CALD1: variants seen among roughly 807,000 people sequenced by gnomAD.
CALD1 encodes the protein caldesmon.
A neutral mutation model predicts 99.9 loss-of-function variants in CALD1; 33 were observed. That is an observed-to-expected ratio of 0.33 (90% CI 0.25 to 0.44). CALD1 has a LOEUF of 0.44. CALD1 is among the 20% of genes least tolerant of loss of function. The pLI is 1.00. For synonymous variants in CALD1, 310 were observed against 325.0 expected, an observed-to-expected ratio of 0.95 and a Z score of 0.50; for missense variants, 861 against 962.1, an observed-to-expected ratio of 0.89 and a Z score of 1.39.
At chr7:134,744,660 A>G (rs1198794169) in intron 1 of CALD1, among the ~76,000 whole-genome samples, 1 of 152,160 alleles carries the variant, frequency 6.6e-6, no homozygotes, top group East Asian at 1.9e-4. Context: ...CTAGAGCAAT[A>G]TTCTTCACCA....
chr7:134,885,907 C>A (rs1302914390), intron 3 of CALD1, among the ~76,000 whole-genome samples: 1 of 151,666 alleles, frequency 6.6e-6, no homozygotes, highest in Non-Finnish European at 1.5e-5. Flanking sequence ...AGCCACCATT[C>A]ATTCAAGAAA....
chr7:134,899,206 T>A (rs1206721895), intron 3 of CALD1, among the ~76,000 whole-genome samples: 1 of 151,526 alleles, frequency 6.6e-6, no homozygotes, highest in Non-Finnish European at 1.5e-5. Context: ...TCTTTCTTTT[T>A]CTTTTTTTTT....
chr7:134,719,601 G>C, the CALD1 span, among the ~76,000 whole-genome samples: 2 of 152,212 alleles, frequency 1.3e-5, no homozygotes, highest in African/African-American at 4.8e-5. Context: ...AGTTTGCGAG[G>C]GGGGATAGGA....
At chr7:134,877,011 GC>G (rs1476069390) in intron 3 of CALD1, among the ~76,000 whole-genome samples, 1 of 152,138 alleles carries the variant, frequency 6.6e-6, no homozygotes, top group African/African-American at 2.4e-5. Flanking sequence ...GCCTCTCTCA[GC>G]CCATTTCATC....
intron 9 of CALD1, among the ~76,000 whole-genome samples, chr7:134,951,180 AG>A (rs1282296507): frequency 1.3e-5 from 2 of 152,214 alleles, no homozygotes; most frequent in Non-Finnish European, 2.9e-5. Context: ...TACCACCCAA[AG>A]GTCTCACCTC....
intron 1 of CALD1, among the ~76,000 whole-genome samples, chr7:134,820,506 A>G (rs1158019478): frequency 6.6e-6 from 1 of 152,246 alleles, no homozygotes; most frequent in African/African-American, 2.4e-5. Context: ...AGACAGCATT[A>G]TAAGATATAC....
chr7:134,940,244 C>T (rs1368438560), intron 6 of CALD1, among the ~76,000 whole-genome samples: 2 of 152,122 alleles, frequency 1.3e-5, no homozygotes, highest in Non-Finnish European at 2.9e-5. Context: ...TTTACCCCCT[C>T]CCCCACAAAA....
intron 3 of CALD1, among the ~76,000 whole-genome samples, chr7:134,895,110 T>A (rs952732494): frequency 2.0e-5 from 3 of 149,974 alleles, no homozygotes; most frequent in Admixed American, 6.6e-5. Context: ...AATAAATAAA[T>A]AAATAAATAA....
chr7:134,916,539 C>T (rs1388962070), intron 3 of CALD1, among the ~76,000 whole-genome samples: 1 of 152,156 alleles, frequency 6.6e-6, no homozygotes, highest in Non-Finnish European at 1.5e-5. Flanking sequence ...TTAAGCAGAG[C>T]CTGTCTAGAG....
intron 8 of CALD1, 85 bp from the exon 9 acceptor site, chr7:134,950,289 C>T (rs7797991): frequency 0.19 from 256,226 of 1,375,736 alleles, 27,661 homozygotes; most frequent in Admixed American, 0.41. Context: ...GCTGCCTCTC[C>T]AACTGTGCTC....
intron 6 of CALD1, among the ~76,000 whole-genome samples, chr7:134,938,572 TA>T (rs1201972649): frequency 2.0e-5 from 3 of 152,204 alleles, no homozygotes; most frequent in Non-Finnish European, 2.9e-5. Context: ...CAGTCTGACC[TA>T]TAAGATCTAA....
At chr7:134,812,966 C>A (rs1490674784) in intron 1 of CALD1, among the ~76,000 whole-genome samples, 1 of 152,126 alleles carries the variant, frequency 6.6e-6, no homozygotes, top group Non-Finnish European at 1.5e-5. Context: ...GCAAAGGAGA[C>A]TGAGAAGAGT....
intron 6 of CALD1, among the ~76,000 whole-genome samples, chr7:134,940,866 G>A (rs1806371543): frequency 6.6e-6 from 1 of 152,162 alleles, no homozygotes; most frequent in African/African-American, 2.4e-5. Context: ...TGAGATCAGG[G>A]ATGATCTTAC....
intron 6 of CALD1, among the ~76,000 whole-genome samples, chr7:134,937,033 T>C (rs936832476): frequency 1.2e-4 from 18 of 152,194 alleles, no homozygotes; most frequent in African/African-American, 4.3e-4. Flanking sequence ...CTCAGAAATA[T>C]GTCCCACATG....
At chr7:134,790,052 G>T (rs1430010833) in intron 1 of CALD1, among the ~76,000 whole-genome samples, 4 of 148,896 alleles carry the variant, frequency 2.7e-5, no homozygotes, top group Non-Finnish European at 5.9e-5. Flanking sequence ...AAGAAAAGAG[G>T]GAGGGAGAGG....
the CALD1 span, among the ~76,000 whole-genome samples, chr7:134,729,657 ATG>A: frequency 6.6e-6 from 1 of 152,218 alleles, no homozygotes; most frequent in African/African-American, 2.4e-5. Context: ...TCTTGTACAG[ATG>A]GCCTCTGCCA....
At chr7:134,740,498 G>A (rs1796583741), upstream of CALD1, among the ~76,000 whole-genome samples, 1 of 152,174 alleles carries the variant, frequency 6.6e-6, no homozygotes. Flanking sequence ...AAGGCCCTGG[G>A]GGTCTTGTTT....
intron 1 of CALD1, among the ~76,000 whole-genome samples, chr7:134,800,845 CTTTAAA>C (rs1797916333): frequency 1.3e-5 from 2 of 152,026 alleles, no homozygotes; most frequent in South Asian, 2.1e-4. Context: ...AGTAAAGTAT[CTTTAAA>C]TTTAAAGCAA....
intron 3 of CALD1, among the ~76,000 whole-genome samples, chr7:134,882,373 C>T (rs1408578353): frequency 6.6e-6 from 1 of 152,120 alleles, no homozygotes; most frequent in African/African-American, 2.4e-5. Flanking sequence ...GATAATTGGA[C>T]CTTTACAACA....
Sources: gnomAD v4.1 joint callset for allele counts (sites outside exome capture counted in the v4.1 genomes callset) on GRCh38, gnomAD v4.1.1 for gene constraint, MANE v1.5 for transcripts, NCBI Gene and HGNC (gene_info 2026-07-23, HGNC 2026-07-21) for gene names.